Variants in SDC2 observed in about 807,000 individuals in gnomAD.
The protein encoded by SDC2 is syndecan 2, also known as syndecan-2.
SDC2 carries 13 observed loss-of-function variants against 22.2 expected under a neutral mutation model. The observed-to-expected ratio is 0.59, with a 90% confidence interval of 0.38 to 0.93. SDC2 has a LOEUF of 0.93. SDC2 is among the 40% of genes least tolerant of loss of function. The pLI is 0.00. For missense variants in SDC2, 235 were observed against 246.8 expected (o/e 0.95, Z 0.32); for synonymous variants, 94 against 92.8 (o/e 1.01, Z -0.07).
intron 1 of SDC2, among the ~76,000 whole-genome samples, chr8:96,522,694 AG>A (rs1813515057): frequency 6.6e-6 from 1 of 152,240 alleles, no homozygotes; most frequent in Admixed American, 6.5e-5. Context: ...TGAACTACTA[AG>A]GTAAGGGAAA....
intron 1 of SDC2, among the ~76,000 whole-genome samples, chr8:96,512,110 G>A (rs1055957611): frequency 5.9e-5 from 9 of 152,158 alleles, no homozygotes; most frequent in Admixed American, 4.6e-4. Flanking sequence ...TAATGCCACA[G>A]CCTGGAGGGG....
chr8:96,518,173 C>T (rs1453316430), intron 1 of SDC2, among the ~76,000 whole-genome samples: 3 of 151,834 alleles, frequency 2.0e-5, no homozygotes, highest in South Asian at 4.2e-4. Context: ...GCTGATTTTT[C>T]GAAGTTTTGT....
chr8:96,495,431 A>C (rs1262458265), intron 1 of SDC2, among the ~76,000 whole-genome samples: 1 of 152,098 alleles, frequency 6.6e-6, no homozygotes, highest in Non-Finnish European at 1.5e-5. Context: ...AGCTGCCTCC[A>C]CCTGGGCGCC....
At chr8:96,531,494 A>G (rs1032129573) in intron 1 of SDC2, among the ~76,000 whole-genome samples, 7 of 152,244 alleles carry the variant, frequency 4.6e-5, no homozygotes, top group African/African-American at 1.7e-4. Flanking sequence ...AAATAGTCTA[A>G]CATATGTAAA....
chr8:96,548,997 G>C (rs984889916), intron 1 of SDC2, among the ~76,000 whole-genome samples: 1 of 152,190 alleles, frequency 6.6e-6, no homozygotes, highest in Non-Finnish European at 1.5e-5. Context: ...GCATAATGTT[G>C]TGTTGTGGAA....
chr8:96,530,289 A>G (rs1022088128), intron 1 of SDC2, among the ~76,000 whole-genome samples: 1 of 152,248 alleles, frequency 6.6e-6, no homozygotes, highest in Admixed American at 6.5e-5. Flanking sequence ...TTAATATGCC[A>G]TAACATAATT....
intron 1 of SDC2, among the ~76,000 whole-genome samples, chr8:96,575,698 C>G (rs1406513834): frequency 6.6e-6 from 1 of 151,928 alleles, no homozygotes; most frequent in African/African-American, 2.4e-5. Context: ...TTCAAGGAGG[C>G]AAGGTTTTGT....
chr8:96,499,600 A>G (rs990908790), intron 1 of SDC2, among the ~76,000 whole-genome samples: 2 of 152,242 alleles, frequency 1.3e-5, no homozygotes, highest in Admixed American at 1.3e-4. Context: ...CTTGGACAGT[A>G]TATTAAAGCT....
chr8:96,573,464 G>T (rs965781565), intron 1 of SDC2, among the ~76,000 whole-genome samples: 13 of 151,588 alleles, frequency 8.6e-5, no homozygotes, highest in South Asian at 4.2e-4. Context: ...TGCGGCGTTG[G>T]ATGCTGGGAG....
At chr8:96,586,567 A>G (rs1208205993) in intron 1 of SDC2, 1 of 152,308 alleles carries the variant, frequency 6.6e-6, no homozygotes, top group East Asian at 1.9e-4. Flanking sequence ...GACTTCAAGG[A>G]CTGTGAATAA....
chr8:96,595,482 A>C (rs1814857301), intron 2 of SDC2, among the ~76,000 whole-genome samples: 1 of 151,864 alleles, frequency 6.6e-6, no homozygotes, highest in African/African-American at 2.4e-5. Context: ...ACAACTCTAT[A>C]AATATCTTTC....
At chr8:96,564,771 G>A (rs968304331) in intron 1 of SDC2, among the ~76,000 whole-genome samples, 1 of 152,102 alleles carries the variant, frequency 6.6e-6, no homozygotes, top group African/African-American at 2.4e-5. Flanking sequence ...GCTTACACGT[G>A]TTATCACATC....
At chr8:96,570,739 T>C (rs986438044) in intron 1 of SDC2, among the ~76,000 whole-genome samples, 1 of 152,198 alleles carries the variant, frequency 6.6e-6, no homozygotes, top group African/African-American at 2.4e-5. Context: ...TCAATAATTT[T>C]TACATTGATT....
rs370731563 is a variant in SDC2 at position 96,593,508 on chromosome 8, T to C, written c.89T>C (p.Met30Thr). 1.2e-6 allele frequency: 2 copies of C among 1,613,818 alleles called. No individual in the cohort carries two copies. The highest frequency in any genetic ancestry group is 1.7e-6 in the Non-Finnish European group (2 of 1,179,670). Residue 30 changes from methionine (M) to threonine (T), a missense_variant, in exon 2 of 5, where the codon ATG (methionine) becomes ACG (threonine). Met to Thr is a moderately conservative substitution (Grantham distance 81). Coordinates refer to ENST00000302190, the MANE Select transcript of SDC2 (RefSeq NM_002998.4). The part of the protein sequence containing the change: ...SRAELTSDKD[M>T]YLDNSSIEEA... ...GCAGAGCTGACATCTGATAAAGACA[T>C]GTACCTTGACAACAGCTCCATTGAA...
At chr8:96,563,289 A>G (rs893546691) in intron 1 of SDC2, among the ~76,000 whole-genome samples, 1 of 152,088 alleles carries the variant, frequency 6.6e-6, no homozygotes, top group African/African-American at 2.4e-5. Flanking sequence ...CAAAATTTTC[A>G]AGAGCTCCCA....
At chr8:96,537,194 C>T (rs1813767402) in intron 1 of SDC2, 1 of 152,118 alleles carries the variant, frequency 6.6e-6, no homozygotes, top group Non-Finnish European at 1.5e-5. Context: ...AAAGATTGTA[C>T]TGTGACAATA....
At chr8:96,501,995 G>A (rs529028826) in intron 1 of SDC2, among the ~76,000 whole-genome samples, 72 of 69,226 alleles carry the variant, frequency 1.0e-3, no homozygotes, top group African/African-American at 3.3e-3. Context: ...TTTACTAGGA[G>A]TGGTATACAT....
At chr8:96,602,315 A>G (rs554821616) in intron 2 of SDC2, 80 bp from the exon 3 acceptor site, 11 of 1,385,406 alleles carry the variant, frequency 7.9e-6, no homozygotes, top group Admixed American at 2.0e-5. Flanking sequence ...GTCAGTGTCA[A>G]CGTCAGGCAA....
At chr8:96,563,657 A>C (rs762061212) in intron 1 of SDC2, among the ~76,000 whole-genome samples, 23 of 152,228 alleles carry the variant, frequency 1.5e-4, no homozygotes, top group Non-Finnish European at 2.5e-4. Flanking sequence ...CTGCACCTTG[A>C]GAACCACTCT....
Sources: gnomAD v4.1 joint callset for allele counts (sites outside exome capture counted in the v4.1 genomes callset) on GRCh38, gnomAD v4.1.1 for gene constraint, MANE v1.5 for transcripts, NCBI Gene and HGNC (gene_info 2026-07-23, HGNC 2026-07-21) for gene names.